The following DPPA4 variants were observed in gnomAD, a reference collection of about 807,000 sequenced individuals.
DPPA4 encodes developmental pluripotency associated 4, also known as developmental pluripotency-associated protein 4.
Under a neutral mutation model 33.7 loss-of-function variants are expected in DPPA4, and 22 were observed. The observed-to-expected ratio is 0.65, with a 90% CI of 0.47 to 0.93. The LOEUF is 0.93. Among genes scored for constraint, DPPA4 ranks in the 40% least tolerant of loss-of-function variants. The pLI, the probability that DPPA4 is intolerant of heterozygous loss-of-function variation, is 0.00. For synonymous variants in DPPA4, 156 were observed against 132.3 expected (o/e 1.18, Z -1.23); for missense variants, 340 against 358.6 (o/e 0.95, Z 0.42).
rs979873769 is a variant in DPPA4, at chr3:109,327,613, T to A, written c.*375A>T. On this transcript the variant is annotated 3_prime_UTR_variant, in exon 7 of 7. Coordinates refer to ENST00000335658, the MANE Select transcript of DPPA4 (RefSeq NM_018189.4). ...TGAACCCAGGAGGCGGAGATTGCACTGAACTGAGATTGCACCACTGCACTC... is the reference window on the plus strand; with the variant it reads ...TGAACCCAGGAGGCGGAGATTGCACAGAACTGAGATTGCACCACTGCACTC... The A allele has an allele frequency of 5.9e-6, 1 of 168,098 alleles. No homozygotes were observed. Among genetic ancestry groups the A allele is most frequent in the Admixed American group, 6.2e-5 (1 of 16,006 alleles). The allele number at this position is 168,098 out of a possible 1,614,324, so 10.4% of individuals were successfully genotyped here. A position where few individuals can be genotyped will look rare whatever the true frequency, so the allele number is the denominator to read the frequency against.
At chr3:109,337,055 C>A (rs1166267525) in intron 1 of DPPA4, among the ~76,000 whole-genome samples, 1 of 152,048 alleles carries the variant, frequency 6.6e-6, no homozygotes, top group Non-Finnish European at 1.5e-5. Flanking sequence ...TGTGCGCCAC[C>A]ACACCTGGCT....
At chr3:109,331,174 G>C (rs1369146867) in intron 4 of DPPA4, among the ~76,000 whole-genome samples, 2 of 148,370 alleles carry the variant, frequency 1.3e-5, no homozygotes, top group African/African-American at 5.0e-5. Flanking sequence ...GCTACTCCAG[G>C]GGCTGAGACA....
Position 109,330,632 on chromosome 3 carries a change from T to C in DPPA4, c.571A>G (p.Thr191Ala), listed in dbSNP as rs1341137824. ...NSTALLEGVNTVVVTTSAPEA... is the reference protein window; with the variant it reads ...NSTALLEGVNAVVVTTSAPEA... Reference sequence around the variant, plus strand: ...GGGGCAGAAGTTGTCACCACAACTGTATTAACTCCCTCAAGGAGAGCAGTG... The same window carrying C: ...GGGGCAGAAGTTGTCACCACAACTGCATTAACTCCCTCAAGGAGAGCAGTG... Residue 191 changes from threonine to alanine, a missense_variant, in exon 5 of 7, where the codon ACA becomes GCA. Transcript: ENST00000335658. 6.2e-7 allele frequency: 1 copy of C among 1,614,032 alleles called. No homozygotes were observed. The highest frequency in any genetic ancestry group is 1.3e-5 in the African/African-American group (1 of 74,898).
chr3:109,335,964 C>G (rs1708187176), intron 1 of DPPA4, among the ~76,000 whole-genome samples: 1 of 151,530 alleles, frequency 6.6e-6, no homozygotes, highest in Non-Finnish European at 1.5e-5. Context: ...ACCAGCCTGG[C>G]TAACATATCG....
Position 109,327,844 on chromosome 3 carries a change from G to A in DPPA4, c.*144C>T, listed in dbSNP as rs1707971346. Reference sequence around the variant, plus strand: ...GCAACAGGCACTGCTAGGGGTCTTAGGCTAACATCTGCCACCCCACCAGTC... The same window carrying A: ...GCAACAGGCACTGCTAGGGGTCTTAAGCTAACATCTGCCACCCCACCAGTC... On this transcript the variant is annotated 3_prime_UTR_variant, in exon 7 of 7. Coordinates refer to ENST00000335658, the MANE Select transcript of DPPA4 (RefSeq NM_018189.4). 3.1e-6 allele frequency: 2 copies of A among 641,860 alleles called. No individual in the cohort carries two copies. Among genetic ancestry groups the A allele is most frequent in the African/African-American group, 3.7e-5 (2 of 54,304 alleles). 39.8% of individuals were successfully genotyped at this position (641,860 alleles called of 1,614,324 possible).
Position 109,331,967 on chromosome 3 carries a change from G to A in DPPA4, c.243C>T (p.Ile81=), listed in dbSNP as rs2107346094. ...GTGGCAGTTTAGAAGGTAATGGAGG[G>A]ATTGGTATCTTCTTCTGAGGTCTGG... ...DNPRPQKKIP[I]PPLPSKLPPV... is the part of the protein sequence containing the mutation. Residue 81 remains isoleucine, a synonymous_variant, in exon 3 of 7, where the codon ATC becomes ATT. Transcript: ENST00000335658. The A allele has an allele frequency of 1.2e-6, 2 of 1,614,072 alleles. No individual in the cohort carries two copies. The highest frequency in any genetic ancestry group is 1.1e-5 in the South Asian group (1 of 91,078).
chr3:109,328,091 CG>C, intron 6 of DPPA4, 67 bp from the exon 7 acceptor site: 4 of 1,040,498 alleles, frequency 3.8e-6, no homozygotes, highest in African/African-American at 3.2e-5. Context: ...CCAAGAAACC[CG>C]CTGCTGGAAT....
rs201448153 is a variant in DPPA4, at chr3:109,330,583, G to C, written c.620C>G (p.Ala207Gly). ...SAPEALLASW[A>G]RISARARTPE... ...TGTCCTCGCCCTGGCTGAAATTCTCGCCCAGGAGGCCAGCAAAGCCTCTGG... is the reference window on the plus strand; with the variant it reads ...TGTCCTCGCCCTGGCTGAAATTCTCCCCCAGGAGGCCAGCAAAGCCTCTGG... Residue 207 changes from alanine to glycine, a missense_variant, in exon 5 of 7, where the codon GCG becomes GGG. By Grantham distance (60) the Ala-to-Gly change is moderately conservative. Coordinates refer to ENST00000335658, the MANE Select transcript of DPPA4 (RefSeq NM_018189.4). 2.9e-5 allele frequency: 47 copies of C among 1,613,980 alleles called. No individual in the cohort carries two copies. In the East Asian group the frequency reaches 6.0e-4, roughly 21 times the overall value.
At position 109,328,935 on chromosome 3, in the gene DPPA4, G is replaced by C; in HGVS notation, c.833C>G (p.Pro278Arg). ...LFLLPASNFP[P>R]PHLEDNMLCP... is the part of the protein sequence containing the mutation. Reference sequence around the variant, plus strand: ...CAACATATTGTCTTCAAGGTGCGGGGGTGGAAAATTGGAGGCAGGAAGCAA... The same window carrying C: ...CAACATATTGTCTTCAAGGTGCGGGCGTGGAAAATTGGAGGCAGGAAGCAA... The change falls in exon 6 of 7, where the codon CCC (proline) becomes CGC (arginine). Residue 278 changes from proline (P) to arginine (R), a missense_variant. Physicochemically the swap from Pro to Arg is moderately radical, Grantham distance 103. Coordinates refer to ENST00000335658, the MANE Select transcript of DPPA4 (RefSeq NM_018189.4). The C allele has an allele frequency of 1.9e-6, 3 of 1,614,052 alleles. No individual in the cohort carries two copies. Among genetic ancestry groups the C allele is most frequent in the Non-Finnish European group, 2.5e-6 (3 of 1,179,990 alleles).
intron 2 of DPPA4, 98 bp downstream of exon 2, chr3:109,333,772 A>G (rs1321429223): frequency 1.4e-6 from 2 of 1,433,352 alleles, no homozygotes; most frequent in Non-Finnish European, 1.9e-6. Context: ...TGCACAATAC[A>G]TGATGGAAAT....
chr3:109,335,040 G>A (rs547188565), intron 1 of DPPA4, among the ~76,000 whole-genome samples: 2 of 152,182 alleles, frequency 1.3e-5, no homozygotes, highest in African/African-American at 4.8e-5. Flanking sequence ...TGAATTAAAG[G>A]AAGCAAAGTG....
In DPPA4 at chr3:109,328,960, A is replaced by G. The variant is rs746119705; in HGVS notation, c.808T>C (p.Leu270=). ...GGTGGAAAATTGGAGGCAGGAAGCA[A>G]GAAGAGTGCACTCACTCTCCCTTCT... ...KQEGRVSALF[L]LPASNFPPPH... The change falls in exon 6 of 7, where the codon TTG becomes CTG. Residue 270 remains leucine, a synonymous_variant. Coordinates refer to ENST00000335658, the MANE Select transcript of DPPA4 (RefSeq NM_018189.4). 1 of 1,613,928 alleles carries G rather than the reference A, an allele frequency of 6.2e-7. No homozygotes were observed. The highest frequency in any genetic ancestry group is 1.1e-5 in the South Asian group (1 of 91,062).
rs748410641 is a variant in DPPA4 at position 109,330,817 on chromosome 3, A to C, written c.391-5T>G. On this transcript the variant is annotated splice_polypyrimidine_tract_variant and splice_region_variant and intron_variant, in intron 4 of 6. Transcript: ENST00000335658. ...TTTTGCTGTGCTAGGAAAATCCTAC[A>C]AAAAGGGTTAAATAATAAAGATAAA... The C allele has an allele frequency of 5.0e-6, 8 of 1,589,480 alleles. No individual in the cohort carries two copies. The South Asian group carries it at 8.1e-5, about 16-fold the overall frequency.
rs547395696 is a variant in DPPA4 at position 109,334,439 on chromosome 3, C to A, written c.55-446G>T. On this transcript the variant is annotated intron_variant, in intron 1 of 6. Transcript: ENST00000335658. ...GTGGTGTGTGCGTGTAGTCCAGCTA[C>A]TCGAGACTGAGATAGGAGGATTGCT... 2.6e-5 allele frequency among the ~76,000 whole-genome samples: 4 copies of A among 152,002 alleles called. No homozygotes were observed. In the South Asian group the frequency reaches 8.3e-4, roughly 32 times the overall value.
In DPPA4 at chr3:109,326,212, G is replaced by C. The variant is rs569294119; in HGVS notation, c.*1776C>G. ...GTTTATTGAAATGTGTTAGAAGCAGGGGAAGTATCTACAAGCAGAATCGTA... is the reference window on the plus strand; with the variant it reads ...GTTTATTGAAATGTGTTAGAAGCAGCGGAAGTATCTACAAGCAGAATCGTA... On this transcript the variant is annotated 3_prime_UTR_variant, in exon 7 of 7. Transcript: ENST00000335658. The C allele has an allele frequency of 8.9e-5, 12 of 135,494 alleles. 1 individual carries two copies. In the East Asian group the frequency reaches 2.3e-3, roughly 26 times the overall value. The allele number at this position is 135,494 out of a possible 1,614,324, so 8.4% of individuals were successfully genotyped here.
intron 2 of DPPA4, 73 bp from the exon 3 acceptor site, chr3:109,332,104 C>CTT: frequency 3.1e-6 from 4 of 1,301,648 alleles, no homozygotes; most frequent in Non-Finnish European, 4.2e-6. Context: ...AGTAAAATCA[C>CTT]TTTTTTTTTC....
intron 6 of DPPA4, among the ~76,000 whole-genome samples, chr3:109,328,377 A>G (rs978702607): frequency 6.6e-6 from 1 of 152,206 alleles, no homozygotes; most frequent in Non-Finnish European, 1.5e-5. Context: ...AAAAAGTAGG[A>G]TATCCCAAAG....
rs1405184904 is a variant in DPPA4 at position 109,327,740 on chromosome 3, C to T, written c.*248G>A. The T allele has an allele frequency of 7.6e-6, 3 of 396,370 alleles. No individual in the cohort carries two copies. The highest frequency in any genetic ancestry group is 1.4e-5 in the Non-Finnish European group (3 of 221,812). 24.6% of individuals were successfully genotyped at this position (396,370 alleles called of 1,614,324 possible). On this transcript the variant is annotated 3_prime_UTR_variant, in exon 7 of 7. Coordinates refer to ENST00000335658, the MANE Select transcript of DPPA4 (RefSeq NM_018189.4). ...AAAGTAGTATGAATGAGTTTTTCTA[C>T]ATATTAACTACAATTTATGGTAATT...
chr3:109,339,186 A>G (rs1708266577), upstream of DPPA4, among the ~76,000 whole-genome samples: 1 of 151,864 alleles, frequency 6.6e-6, no homozygotes, highest in Admixed American at 6.5e-5. Context: ...GTGAGACTCC[A>G]TCTCAAAATA....
Sources: allele counts gnomAD v4.1 joint callset (sites outside exome capture counted in the v4.1 genomes callset), GRCh38; gene constraint gnomAD v4.1.1; transcripts MANE v1.5; gene names NCBI Gene and HGNC (gene_info 2026-07-23, HGNC 2026-07-21).